The following RDX variants were observed in gnomAD, a reference collection of about 807,000 sequenced individuals.
RDX encodes the protein deafness, autosomal recessive 24.
A neutral mutation model predicts 83.7 loss-of-function variants in RDX; 32 were observed. The ratio of observed to expected loss-of-function variants is 0.38; its 90% confidence interval spans 0.29 to 0.51. The LOEUF is 0.51. Among genes scored for constraint, RDX ranks in the 20% least tolerant of loss-of-function variants. The pLI is 0.87. For missense variants in RDX, 600 were observed against 689.9 expected (o/e 0.87, Z 1.46); for synonymous variants, 229 against 222.7 (o/e 1.03, Z -0.25).
At chr11:110,295,651 A>AAAC (rs1555051151) in intron 1 of RDX, among the ~76,000 whole-genome samples, 12 of 150,908 alleles carry the variant, frequency 8.0e-5, no homozygotes, top group Non-Finnish European at 1.2e-4. Context: ...TGAAAAAAAA[A>AAAC]AAAAAACAAA....
intron 14 of RDX, among the ~76,000 whole-genome samples, chr11:110,219,299 G>C (rs1024732905): frequency 6.6e-6 from 1 of 152,164 alleles, no homozygotes; most frequent in Non-Finnish European, 1.5e-5. Context: ...CAAGAGAAGA[G>C]GAAATCAGCA....
In RDX at chr11:110,230,116, A is replaced by G. The variant is rs964267219; in HGVS notation, c.*1753T>C. On this transcript the variant is annotated 3_prime_UTR_variant, in exon 14 of 14. Coordinates refer to ENST00000645495, the MANE Select transcript of RDX (RefSeq NM_002906.4). ...TGCCCAGATTAATCCTTTTAAAGTC[A>G]GCAAAATCAAAAAAGCACAAGAGAT... 1 of 152,418 alleles carries G rather than the reference A, an allele frequency of 6.6e-6. No individual in the cohort carries two copies. Among genetic ancestry groups the G allele is most frequent in the Non-Finnish European group, 1.5e-5 (1 of 67,998 alleles). The allele number at this position is 152,418 out of a possible 1,614,324, so 9.4% of individuals were successfully genotyped here. A position where few individuals can be genotyped will look rare whatever the true frequency, so the allele number is the denominator to read the frequency against.
chr11:110,261,861 G>A (rs1015563584), intron 5 of RDX, among the ~76,000 whole-genome samples: 2 of 152,074 alleles, frequency 1.3e-5, no homozygotes, highest in Admixed American at 1.3e-4. Context: ...AATAAACTGT[G>A]CTTGTGTGTT....
chr11:110,179,822 T>C (rs543573287), intron 15 of RDX: 11 of 397,530 alleles, frequency 2.8e-5, no homozygotes, highest in East Asian at 1.4e-4. Context: ...TACCTGCAGA[T>C]CCAGCTATGG....
rs931353838 is a variant in RDX at position 110,175,503 on chromosome 11, G to C, written c.*32-269C>G. ...TAGTTCCCCAGGAGAACTCAGTGAGGAAGAGAGCACTGAAAGAATGGCAAG... is the reference window on the plus strand; with the variant it reads ...TAGTTCCCCAGGAGAACTCAGTGAGCAAGAGAGCACTGAAAGAATGGCAAG... On this transcript the variant is annotated intron_variant, in intron 15 of 15. Coordinates refer to the RDX transcript ENST00000528498. 1.6e-4 allele frequency among the ~76,000 whole-genome samples: 25 copies of C among 152,314 alleles called. No individual in the cohort carries two copies. In the East Asian group the frequency reaches 4.8e-3, roughly 29 times the overall value.
At chr11:110,257,213 TAAA>T (rs555203504) in intron 7 of RDX, among the ~76,000 whole-genome samples, 34 of 151,610 alleles carry the variant, frequency 2.2e-4, no homozygotes, top group African/African-American at 8.0e-4. Flanking sequence ...ATATGTATAA[TAAA>T]AAACTATTTG....
chr11:110,236,390 A>C, intron 11 of RDX, 199 bp from the exon 12 acceptor site: 1 of 533,958 alleles, frequency 1.9e-6, no homozygotes, highest in South Asian at 2.4e-5. Flanking sequence ...GACAAAATTA[A>C]AAAATTACTA....
In RDX at chr11:110,247,731, A is replaced by G; in HGVS notation, c.1062T>C (p.Ile354=). 6.2e-7 allele frequency: 1 copy of G among 1,612,266 alleles called. No individual in the cohort carries two copies. The highest frequency in any genetic ancestry group is 1.1e-5 in the South Asian group (1 of 90,762). The part of the protein sequence containing the change: ...KEELMERLKQ[I]EEQTIKAQKE... ...TCTGAGCTTTAATTGTCTGCTCTTCAATTTGTTTTAGACGTTCCATTAGCT... is the reference window on the plus strand; with the variant it reads ...TCTGAGCTTTAATTGTCTGCTCTTCGATTTGTTTTAGACGTTCCATTAGCT... The change falls in exon 10 of 14, where the codon ATT becomes ATC. Residue 354 remains isoleucine, a synonymous_variant. Transcript: ENST00000645495.
At chr11:110,284,378 C>G (rs1860892767) in intron 1 of RDX, among the ~76,000 whole-genome samples, 1 of 152,160 alleles carries the variant, frequency 6.6e-6, no homozygotes, top group Non-Finnish European at 1.5e-5. Flanking sequence ...TATGTGATAA[C>G]ATGGACTTCT....
chr11:110,277,200 G>A (rs1004765642), intron 2 of RDX, among the ~76,000 whole-genome samples: 4 of 149,292 alleles, frequency 2.7e-5, no homozygotes, highest in Admixed American at 1.3e-4. Context: ...CAATTATACT[G>A]GCAAAGAGTT....
At chr11:110,258,054 T>C (rs887567984) in intron 6 of RDX, 52 bp downstream of exon 6, 9 of 1,485,998 alleles carry the variant, frequency 6.1e-6, no homozygotes, top group Middle Eastern at 4.1e-4. Flanking sequence ...TGTTACGACA[T>C]GAAAATACTT....
At chr11:110,209,527 TG>T (rs1389367315) in intron 14 of RDX, among the ~76,000 whole-genome samples, 1 of 152,226 alleles carries the variant, frequency 6.6e-6, no homozygotes, top group Non-Finnish European at 1.5e-5. Context: ...GGCAGCACCC[TG>T]GGGGCAGGGC....
At position 110,236,896 on chromosome 11, in the gene RDX, AGGC is replaced by A. The variant is rs1420786722; in HGVS notation, c.1251+593_1251+595del. ...CGGCCTCCCAAAATGCTGGGATTACAGGCGTGAGCCACTGTGCCCGGCCATCAT... is the reference window on the plus strand; with the variant it reads ...CGGCCTCCCAAAATGCTGGGATTACAGTGAGCCACTGTGCCCGGCCATCAT... On this transcript the variant is annotated intron_variant, in intron 11 of 13. Transcript: ENST00000645495. Among the ~76,000 whole-genome samples, 9 of 152,276 alleles carry A rather than the reference AGGC, an allele frequency of 5.9e-5. No individual in the cohort carries two copies. The East Asian group carries it at 1.7e-3, about 29-fold the overall frequency.
downstream of RDX, among the ~76,000 whole-genome samples, chr11:110,225,976 CA>C (rs1446985287): frequency 6.8e-6 from 1 of 147,788 alleles, no homozygotes; most frequent in East Asian, 2.0e-4. Flanking sequence ...TGAGGCAGGA[CA>C]ATCGCTTGAA....
At chr11:110,216,031 C>T in intron 14 of RDX, among the ~76,000 whole-genome samples, 1 of 152,164 alleles carries the variant, frequency 6.6e-6, no homozygotes, top group East Asian at 1.9e-4. Flanking sequence ...TTGAATTTAC[C>T]TTTGCTTAGC....
intron 1 of RDX, among the ~76,000 whole-genome samples, chr11:110,292,478 A>C (rs910809596): frequency 6.6e-6 from 1 of 152,114 alleles, no homozygotes; most frequent in Admixed American, 6.6e-5. Context: ...TTCAAAAAAA[A>C]ATGAAGAAAA....
Position 110,264,773 on chromosome 11 carries a change from T to C in RDX, c.192+6A>G, listed in dbSNP as rs1439074294. On this transcript the variant is annotated splice_donor_region_variant and intron_variant, in intron 4 of 13. Transcript: ENST00000645495. ...TATTAGTTTAATGTTATCGTACATA[T>C]TTTACCTTTTTATTTAGTTTAAGCC... The C allele has an allele frequency of 5.1e-6, 8 of 1,580,456 alleles. No individual in the cohort carries two copies. Among genetic ancestry groups the C allele is most frequent in the Non-Finnish European group, 7.0e-6 (8 of 1,150,816 alleles).
At chr11:110,263,900 T>C (rs1859906045) in intron 5 of RDX, 60 bp downstream of exon 5, 1 of 1,506,412 alleles carries the variant, frequency 6.6e-7, no homozygotes, top group Non-Finnish European at 9.1e-7. Context: ...AAACGTTTTA[T>C]TTATAGACTT....
At chr11:110,278,886 G>T (rs1311905266) in intron 2 of RDX, among the ~76,000 whole-genome samples, 1 of 149,384 alleles carries the variant, frequency 6.7e-6, no homozygotes, top group African/African-American at 2.4e-5. Flanking sequence ...CACTTTATTA[G>T]ATTAAGAAAA....
Sources: allele counts gnomAD v4.1 joint callset (sites outside exome capture counted in the v4.1 genomes callset), GRCh38; gene constraint gnomAD v4.1.1; transcripts MANE v1.5; gene names NCBI Gene and HGNC (gene_info 2026-07-23, HGNC 2026-07-21).